Variants in DCC observed in about 807,000 individuals in gnomAD.
The protein encoded by DCC is netrin receptor DCC.
DCC carries 58 observed loss-of-function variants against 172.5 expected under a neutral mutation model. That is an observed-to-expected ratio of 0.34 (90% CI 0.27 to 0.42). DCC has a LOEUF of 0.42. DCC is among the 10% of genes least tolerant of loss of function. The pLI, the probability that DCC is intolerant of heterozygous loss-of-function variation, is 1.00. For missense variants in DCC, 1,740 were observed against 1,791.0 expected (o/e 0.97, Z 0.51); for synonymous variants, 709 against 644.5 (o/e 1.10, Z -1.52).
At chr18:52,467,516 A>G (rs1218512473) in intron 1 of DCC, among the ~76,000 whole-genome samples, 2 of 152,170 alleles carry the variant, frequency 1.3e-5, no homozygotes, top group East Asian at 3.9e-4. Context: ...ATATCTGTGC[A>G]TGTGTTCTTA....
intron 14 of DCC, among the ~76,000 whole-genome samples, chr18:53,333,349 T>A (rs1213652486): frequency 6.6e-6 from 1 of 152,216 alleles, no homozygotes; most frequent in Non-Finnish European, 1.5e-5. Context: ...TAAAGAAATA[T>A]AGGCTATTGA....
At chr18:52,398,675 A>G (rs1180546897) in intron 1 of DCC, among the ~76,000 whole-genome samples, 1 of 152,008 alleles carries the variant, frequency 6.6e-6, no homozygotes, top group Non-Finnish European at 1.5e-5. Context: ...GTGCACATAC[A>G]TACACGTGCC....
chr18:53,464,979 C>CAAAAAAAAAAAAAAAA (rs71179510), intron 24 of DCC, among the ~76,000 whole-genome samples: 1 of 54,840 alleles, frequency 1.8e-5, no homozygotes, highest in Non-Finnish European at 3.8e-5. Context: ...AACTCAATCT[C>CAAAAAAAAAAAAAAAA]AAAAAAAAAA....
intron 1 of DCC, among the ~76,000 whole-genome samples, chr18:52,718,407 C>T (rs1253571754): frequency 1.3e-5 from 2 of 152,070 alleles, no homozygotes; most frequent in East Asian, 3.8e-4. Context: ...GATGACAGGG[C>T]AAGGTTTTGT....
intron 18 of DCC, among the ~76,000 whole-genome samples, chr18:53,399,980 G>T (rs1909192325): frequency 6.6e-6 from 1 of 151,978 alleles, no homozygotes. Context: ...TATTAATTAA[G>T]GGTTTTTAAT....
Position 53,534,362 on chromosome 18 carries a change from A to G in DCC, c.*3709A>G, listed in dbSNP as rs922481925. On this transcript the variant is annotated 3_prime_UTR_variant, in exon 29 of 29. Transcript: ENST00000442544. ...GCAGAGCAGGGTTACTTTCCCTTTC[A>G]CTCAGTTCCCTTCATGCAACCACAG... 6.6e-6 allele frequency: 1 copy of G among 152,190 alleles called. No homozygotes were observed. The highest frequency in any genetic ancestry group is 1.9e-4 in the East Asian group (1 of 5,198). The allele number at this position is 152,190 out of a possible 1,614,324, so 9.4% of individuals were successfully genotyped here. A position where few individuals can be genotyped will look rare whatever the true frequency, so the allele number is the denominator to read the frequency against.
chr18:52,451,084 G>C (rs1988289056), intron 1 of DCC, among the ~76,000 whole-genome samples: 1 of 152,166 alleles, frequency 6.6e-6, no homozygotes, highest in African/African-American at 2.4e-5. Flanking sequence ...GAATTTCACT[G>C]TGGGCATGTT....
chr18:52,918,582 T>C (rs1240964274), intron 3 of DCC, among the ~76,000 whole-genome samples: 2 of 152,152 alleles, frequency 1.3e-5, no homozygotes, highest in Non-Finnish European at 2.9e-5. Context: ...CTACATGTTA[T>C]TTTAAAACCT....
At chr18:53,055,173 C>T (rs530136130) in intron 5 of DCC, among the ~76,000 whole-genome samples, 2 of 152,190 alleles carry the variant, frequency 1.3e-5, no homozygotes, top group African/African-American at 4.8e-5. Flanking sequence ...ATAAATAAGA[C>T]AATCCATGTT....
chr18:52,899,560 G>C (rs1184915270), intron 2 of DCC, among the ~76,000 whole-genome samples: 2 of 151,740 alleles, frequency 1.3e-5, no homozygotes, highest in Non-Finnish European at 2.9e-5. Flanking sequence ...TCTCCATGTT[G>C]GTCAGGCTGG....
chr18:53,029,073 A>G (rs535337281), intron 5 of DCC, among the ~76,000 whole-genome samples: 1 of 148,688 alleles, frequency 6.7e-6, no homozygotes, highest in South Asian at 2.1e-4. Context: ...TTTTGTCTTT[A>G]TAATTAATTC....
At chr18:52,725,916 A>C (rs1269641638) in intron 1 of DCC, among the ~76,000 whole-genome samples, 1 of 152,140 alleles carries the variant, frequency 6.6e-6, no homozygotes, top group Non-Finnish European at 1.5e-5. Flanking sequence ...TCTTATGAAC[A>C]CTCTTACACT....
chr18:53,072,535 G>T (rs147788902), intron 7 of DCC, among the ~76,000 whole-genome samples: 1 of 152,318 alleles, frequency 6.6e-6, no homozygotes, highest in South Asian at 2.1e-4. Context: ...GTGGAGGGCC[G>T]TGGAACTGGG....
At chr18:53,270,616 C>A (rs376548705) in intron 12 of DCC, among the ~76,000 whole-genome samples, 2 of 152,056 alleles carry the variant, frequency 1.3e-5, no homozygotes, top group African/African-American at 2.4e-5. Context: ...AAACAAAGGG[C>A]TCCCTACTTC....
intron 15 of DCC, among the ~76,000 whole-genome samples, chr18:53,361,788 T>A (rs2057951129): frequency 6.6e-6 from 1 of 152,042 alleles, no homozygotes; most frequent in African/African-American, 2.4e-5. Flanking sequence ...TAATTTTTTC[T>A]TGTTAAGAGA....
At chr18:53,323,752 TA>T (rs754732602) in intron 14 of DCC, among the ~76,000 whole-genome samples, 3 of 152,118 alleles carry the variant, frequency 2.0e-5, no homozygotes, top group Non-Finnish European at 2.9e-5. Context: ...GACTTGCATT[TA>T]AATTGAGACC....
At chr18:53,333,895 ACTTC>A (rs1403146051) in intron 14 of DCC, among the ~76,000 whole-genome samples, 1 of 152,126 alleles carries the variant, frequency 6.6e-6, no homozygotes, top group African/African-American at 2.4e-5. Flanking sequence ...ATACCCAACT[ACTTC>A]CTTGAGATAG....
intron 5 of DCC, 60 bp downstream of exon 5, chr18:52,925,430 T>A: frequency 2.0e-6 from 3 of 1,518,302 alleles, no homozygotes; most frequent in Non-Finnish European, 2.7e-6. Flanking sequence ...CACCGCGACA[T>A]TTTAATGCTC....
At position 53,123,280 on chromosome 18, in the gene DCC, C is replaced by T. The variant is rs112641844; in HGVS notation, c.1262-34076C>T. On this transcript the variant is annotated intron_variant, in intron 7 of 28. Transcript: ENST00000442544. ...AAATGAGGCACTGGAATTCACTGGG[C>T]GAAGTTGGGGGATGGTGGAGGATTG... Among the ~76,000 whole-genome samples, 1,461 of 152,020 alleles carry T rather than the reference C, an allele frequency of 9.6e-3. 32 individuals are homozygous for T. The highest frequency in any genetic ancestry group is 0.033 in the African/African-American group (1,354 of 41,488).
Sources: allele counts gnomAD v4.1 joint callset (sites outside exome capture counted in the v4.1 genomes callset), GRCh38; gene constraint gnomAD v4.1.1; transcripts MANE v1.5; gene names NCBI Gene and HGNC (gene_info 2026-07-23, HGNC 2026-07-21).